Variants in LRRTM3 observed in about 807,000 individuals in gnomAD.
The protein encoded by LRRTM3 is leucine rich repeat transmembrane neuronal 3.
In LRRTM3, 24 loss-of-function variants were observed where a neutral mutation model predicts 44.7. The ratio of observed to expected loss-of-function variants is 0.54; its 90% CI spans 0.39 to 0.76. The LOEUF (loss-of-function observed/expected upper bound fraction) is 0.76. Ranked by LOEUF, LRRTM3 falls within the 30% of genes least tolerant of loss-of-function variation. The probability of loss-of-function intolerance (pLI) is 0.00; values close to 1 mark genes in which losing one functional copy is unlikely to be tolerated. For missense variants in LRRTM3, 587 were observed against 702.2 expected (o/e 0.84, Z 1.85); for synonymous variants, 277 against 278.7 (o/e 0.99, Z 0.06).
At chr10:67,005,875 A>G (rs113258169) in intron 2 of LRRTM3, among the ~76,000 whole-genome samples, 2,467 of 151,566 alleles carry the variant, frequency 0.016, 86 homozygotes, top group African/African-American at 0.056. Context: ...TAGTAGAGGC[A>G]GGGTATCACC....
At chr10:67,000,510 C>A (rs1046222450) in intron 2 of LRRTM3, among the ~76,000 whole-genome samples, 6 of 152,144 alleles carry the variant, frequency 3.9e-5, no homozygotes, top group African/African-American at 1.4e-4. Flanking sequence ...GGGCTTAAGG[C>A]CAGTTCAGTA....
rs538575156 is a variant in LRRTM3 at position 67,018,158 on chromosome 10, T to C, written c.1537-79429T>C. ...AGTGTTTACAGTAGGGCCAAGACTTTGTATTTTGGTAGTGATTCACTCACT... is the reference window on the plus strand; with the variant it reads ...AGTGTTTACAGTAGGGCCAAGACTTCGTATTTTGGTAGTGATTCACTCACT... On this transcript the variant is annotated intron_variant, in intron 2 of 2. Transcript: ENST00000361320. 3.9e-5 allele frequency among the ~76,000 whole-genome samples: 6 copies of C among 152,354 alleles called. No homozygotes were observed. In the South Asian group the frequency reaches 1.2e-3, roughly 32 times the overall value.
intron 2 of LRRTM3, among the ~76,000 whole-genome samples, chr10:66,946,530 T>C (rs1485794806): frequency 6.6e-6 from 1 of 152,132 alleles, no homozygotes; most frequent in Non-Finnish European, 1.5e-5. Context: ...AAGCCCCCTC[T>C]AGTTCTTCCA....
intron 2 of LRRTM3, among the ~76,000 whole-genome samples, chr10:66,957,393 C>CAT (rs10532386): frequency 4.0e-4 from 33 of 83,154 alleles, no homozygotes; most frequent in African/African-American, 2.4e-3. Context: ...TATATATATA[C>CAT]ATATATATAT....
In LRRTM3 at chr10:66,950,107, C is replaced by A. The variant is rs1848463258; in HGVS notation, c.1536+21655C>A. Among the ~76,000 whole-genome samples, 4 of 152,136 alleles carry A rather than the reference C, an allele frequency of 2.6e-5. No individual in the cohort carries two copies. In the South Asian group the frequency reaches 8.3e-4, roughly 32 times the overall value. On this transcript the variant is annotated intron_variant, in intron 2 of 2. Transcript: ENST00000361320. ...TGAACGTCTCCTTCAGGGTCTATCT[C>A]TAATTTGCTCAAATTATTTCTTCTG...
intron 2 of LRRTM3, among the ~76,000 whole-genome samples, chr10:67,000,887 C>A (rs1435397013): frequency 6.6e-6 from 1 of 152,026 alleles, no homozygotes; most frequent in Non-Finnish European, 1.5e-5. Context: ...TACTCATGAA[C>A]AACAGGCTGG....
chr10:67,038,668 C>A (rs1185552072), intron 2 of LRRTM3, among the ~76,000 whole-genome samples: 1 of 152,008 alleles, frequency 6.6e-6, no homozygotes, highest in African/African-American at 2.4e-5. Context: ...GAATTGCTTA[C>A]AAAATTTTCC....
At chr10:67,070,703 C>T (rs1247052808) in intron 2 of LRRTM3, among the ~76,000 whole-genome samples, 4 of 151,482 alleles carry the variant, frequency 2.6e-5, no homozygotes, top group Admixed American at 6.6e-5. Flanking sequence ...GCTGAGGTCA[C>T]GCCACTGCAC....
chr10:66,941,476 C>A (rs1847990524), intron 2 of LRRTM3, among the ~76,000 whole-genome samples: 1 of 152,050 alleles, frequency 6.6e-6, no homozygotes. Context: ...AGGTTAGAGT[C>A]CACTTTGAAC....
At chr10:67,088,281 C>A (rs776319929) in intron 2 of LRRTM3, among the ~76,000 whole-genome samples, 10 of 151,666 alleles carry the variant, frequency 6.6e-5, no homozygotes, top group Non-Finnish European at 1.0e-4. Flanking sequence ...AGCAAACCTT[C>A]ACTGAAGGAA....
chr10:67,032,393 C>T (rs1297587924), intron 2 of LRRTM3, among the ~76,000 whole-genome samples: 2 of 151,912 alleles, frequency 1.3e-5, no homozygotes, highest in Admixed American at 1.3e-4. Flanking sequence ...ATTTCGCCTC[C>T]AATAAAATCA....
At chr10:67,038,021 G>A (rs1038595608) in intron 2 of LRRTM3, among the ~76,000 whole-genome samples, 9 of 152,050 alleles carry the variant, frequency 5.9e-5, no homozygotes, top group Admixed American at 5.2e-4. Context: ...TAGGAGACGA[G>A]AGATTTTACA....
chr10:67,083,795 G>T (rs1400539753), intron 2 of LRRTM3, among the ~76,000 whole-genome samples: 1 of 152,116 alleles, frequency 6.6e-6, no homozygotes, highest in Non-Finnish European at 1.5e-5. Context: ...TAGACATTGG[G>T]ATGGTTCCCA....
At chr10:67,064,011 T>A (rs1855916970) in intron 2 of LRRTM3, among the ~76,000 whole-genome samples, 1 of 152,178 alleles carries the variant, frequency 6.6e-6, no homozygotes, top group South Asian at 2.1e-4. Flanking sequence ...GTCATCTCCC[T>A]CTATGCACGT....
intron 2 of LRRTM3, among the ~76,000 whole-genome samples, chr10:67,009,195 T>C (rs1852180695): frequency 1.3e-5 from 2 of 152,274 alleles, no homozygotes; most frequent in South Asian, 4.1e-4. Flanking sequence ...TTCAGGAATT[T>C]ATCTTCTACT....
chr10:66,955,370 T>C (rs1225126680), intron 2 of LRRTM3, among the ~76,000 whole-genome samples: 3 of 152,198 alleles, frequency 2.0e-5, no homozygotes, highest in African/African-American at 7.2e-5. Flanking sequence ...GTAGGCACTA[T>C]AGAAATGTAT....
intron 2 of LRRTM3, among the ~76,000 whole-genome samples, chr10:67,028,630 C>G (rs1432165490): frequency 7.3e-6 from 1 of 136,950 alleles, no homozygotes; most frequent in Non-Finnish European, 1.5e-5. Context: ...ATAACTGATA[C>G]AACAAGCTAG....
intron 2 of LRRTM3, among the ~76,000 whole-genome samples, chr10:67,083,837 C>T (rs1398037572): frequency 5.3e-5 from 8 of 151,990 alleles, no homozygotes; most frequent in African/African-American, 1.9e-4. Context: ...GATTTACTTG[C>T]AAAAGCTACA....
chr10:67,059,810 T>C (rs1254809197), intron 2 of LRRTM3, among the ~76,000 whole-genome samples: 4 of 152,220 alleles, frequency 2.6e-5, no homozygotes, highest in Non-Finnish European at 5.9e-5. Flanking sequence ...CTTTTATTTA[T>C]ACTAATGTAT....
Sources: gnomAD v4.1 joint callset for allele counts (sites outside exome capture counted in the v4.1 genomes callset) on GRCh38, gnomAD v4.1.1 for gene constraint, MANE v1.5 for transcripts, NCBI Gene and HGNC (gene_info 2026-07-23, HGNC 2026-07-21) for gene names.